Variants in DNAJB12 observed in about 807,000 individuals in gnomAD.
DNAJB12 encodes the protein dnaJ homolog subfamily B member 12.
Under a neutral mutation model 40.6 loss-of-function variants are expected in DNAJB12, and 14 were observed. The ratio of observed to expected loss-of-function variants is 0.34; its 90% confidence interval spans 0.23 to 0.54. The LOEUF is 0.54. Among genes scored for constraint, DNAJB12 ranks in the 20% least tolerant of loss-of-function variants. The probability of loss-of-function intolerance (pLI) is 0.92; values close to 1 mark genes in which losing one functional copy is unlikely to be tolerated. For synonymous variants in DNAJB12, 181 were observed against 199.5 expected, an observed-to-expected ratio of 0.91 and a Z score of 0.78; for missense variants, 444 against 501.7, an observed-to-expected ratio of 0.89 and a Z score of 1.10.
chr10:72,346,238 A>G (rs1044837588), intron 1 of DNAJB12, among the ~76,000 whole-genome samples: 4 of 152,134 alleles, frequency 2.6e-5, no homozygotes, highest in African/African-American at 9.7e-5. Context: ...ATCTCAGCTC[A>G]CTACAACCTC....
At chr10:72,342,504 C>T (rs925189930) in intron 3 of DNAJB12, among the ~76,000 whole-genome samples, 14 of 152,302 alleles carry the variant, frequency 9.2e-5, no homozygotes, top group African/African-American at 3.1e-4. Flanking sequence ...TGCTTCCCCC[C>T]ACTCCCACTC....
At position 72,335,111 on chromosome 10, in the gene DNAJB12, C is replaced by G. The variant is rs904470314; in HGVS notation, c.*31-494G>C. 1.1e-5 allele frequency: 11 copies of G among 990,122 alleles called. No individual in the cohort carries two copies. The highest frequency in any genetic ancestry group is 1.7e-5 in the African/African-American group (1 of 57,376). 61.3% of individuals were successfully genotyped at this position (990,122 alleles called of 1,614,324 possible). ...CCGCAGGCGAGATGCCTGGGCAAGG[C>G]CGGATGCCTGTGGCTTCCAGGCTGC... On this transcript the variant is annotated intron_variant, in intron 8 of 8. Transcript: ENST00000444643. This position sits in a 1 kb window ranked among gnomAD's most constrained non-coding sequence, Gnocchi z 4.4.
intron 5 of DNAJB12, 79 bp from the exon 6 acceptor site, chr10:72,338,390 G>A: frequency 1.7e-6 from 2 of 1,169,768 alleles, no homozygotes; most frequent in Non-Finnish European, 2.5e-6. Flanking sequence ...AGCTCCCCTA[G>A]AATAGTGGAG....
At chr10:72,350,478 C>T (rs989147413) in intron 1 of DNAJB12, among the ~76,000 whole-genome samples, 3 of 147,746 alleles carry the variant, frequency 2.0e-5, no homozygotes, top group Non-Finnish European at 4.5e-5. Context: ...GAAGGGTCAT[C>T]TTGGACAAGG....
chr10:72,336,812 C>G, intron 6 of DNAJB12, 116 bp from the exon 7 acceptor site: 1 of 845,592 alleles, frequency 1.2e-6, no homozygotes, highest in Non-Finnish European at 1.8e-6. Context: ...TTGGTTCCCT[C>G]TCAAACCAGA....
rs1861412408 is a variant in DNAJB12, at chr10:72,334,528, TTTTG to T, written c.*116_*119del. The T allele has an allele frequency of 6.5e-7, 1 of 1,527,084 alleles. No homozygotes were observed. 94.6% of individuals were successfully genotyped at this position (1,527,084 alleles called of 1,614,324 possible). A position where few individuals can be genotyped will look rare whatever the true frequency, so the allele number is the denominator to read the frequency against. ...CGTTCGGCCTCCAATTCCATTTTAA[TTTTG>T]TTTCTTTGTTTGTCTTTCCTCAAAT... is the stretch of plus-strand genomic sequence containing the variant. On this transcript the variant is annotated 3_prime_UTR_variant, in exon 9 of 9. Coordinates refer to ENST00000444643, the MANE Select transcript of DNAJB12 (RefSeq NM_017626.7).
chr10:72,347,786 G>A (rs189339508), intron 1 of DNAJB12, among the ~76,000 whole-genome samples: 3 of 151,930 alleles, frequency 2.0e-5, no homozygotes, highest in African/African-American at 4.8e-5. Flanking sequence ...GGTGGTGGGC[G>A]CTTGTAATCC....
At chr10:72,351,608 C>T (rs1282195125) in intron 1 of DNAJB12, among the ~76,000 whole-genome samples, 4 of 152,278 alleles carry the variant, frequency 2.6e-5, no homozygotes, top group Admixed American at 1.3e-4. Context: ...CCGCTGCCCT[C>T]TCCGGGGACT....
At position 72,346,155 on chromosome 10, in the gene DNAJB12, TA is replaced by T. The variant is rs547788225; in HGVS notation, c.134-1029del. 2.6e-4 allele frequency among the ~76,000 whole-genome samples: 40 copies of T among 152,226 alleles called. No individual in the cohort carries two copies. In the South Asian group the frequency reaches 2.9e-3, roughly 11 times the overall value. On this transcript the variant is annotated intron_variant, in intron 1 of 8. Coordinates refer to ENST00000444643, the MANE Select transcript of DNAJB12 (RefSeq NM_017626.7). ...AACCCTATAGTACTTTATTTAGAGTTATTTTTTTTTATTTGTTTGTTTATTT... is the reference window on the plus strand; with the variant it reads ...AACCCTATAGTACTTTATTTAGAGTTTTTTTTTTTATTTGTTTGTTTATTT...
At chr10:72,348,998 G>A (rs1861868984) in intron 1 of DNAJB12, among the ~76,000 whole-genome samples, 1 of 152,168 alleles carries the variant, frequency 6.6e-6, no homozygotes, top group Non-Finnish European at 1.5e-5. Context: ...CCAGCTCCAG[G>A]GTCCATGCTC....
chr10:72,352,388 G>T (rs1861956005), intron 1 of DNAJB12, among the ~76,000 whole-genome samples: 1 of 152,056 alleles, frequency 6.6e-6, no homozygotes, highest in South Asian at 2.1e-4. Context: ...CTTCTTCCAG[G>T]ATGCCTTTCC....
At position 72,343,963 on chromosome 10, in the gene DNAJB12, C is replaced by A. The variant is rs191741345; in HGVS notation, c.312-452G>T. 8.8e-4 allele frequency among the ~76,000 whole-genome samples: 133 copies of A among 151,890 alleles called. 1 individual carries two copies. In the Middle Eastern group the frequency reaches 0.01, roughly 12 times the overall value. ...ATAGAGACAGGGTCTTCTAATTGCC[C>A]AGGCTGGTCTCAAACTCCTGGGCTC... On this transcript the variant is annotated intron_variant, in intron 2 of 8. Coordinates refer to ENST00000444643, the MANE Select transcript of DNAJB12 (RefSeq NM_017626.7).
In DNAJB12 at chr10:72,341,285, C is replaced by T. The variant is rs536978112; in HGVS notation, c.458-115G>A. 2.1e-4 allele frequency: 221 copies of T among 1,034,440 alleles called. 1 individual carries two copies. In the African/African-American group the frequency reaches 3.2e-3, roughly 15 times the overall value. 64.1% of individuals were successfully genotyped at this position (1,034,440 alleles called of 1,614,324 possible). On this transcript the variant is annotated intron_variant, in intron 3 of 8. Coordinates refer to ENST00000444643, the MANE Select transcript of DNAJB12 (RefSeq NM_017626.7). Reference sequence around the variant, plus strand: ...CTCAAGCAGTGCTTTAGGAAGCAGACGTCCTTGGGGTGGGCAGGAAGCTTG... The same window carrying T: ...CTCAAGCAGTGCTTTAGGAAGCAGATGTCCTTGGGGTGGGCAGGAAGCTTG...
At chr10:72,350,500 A>T (rs1467967888) in intron 1 of DNAJB12, among the ~76,000 whole-genome samples, 1 of 151,652 alleles carries the variant, frequency 6.6e-6, no homozygotes, top group Non-Finnish European at 1.5e-5. Context: ...AACTTAGCTC[A>T]TCTGTGCAAA....
chr10:72,336,821 G>A, intron 6 of DNAJB12, 125 bp from the exon 7 acceptor site: 1 of 761,432 alleles, frequency 1.3e-6, no homozygotes, highest in Non-Finnish European at 2.1e-6. Context: ...TCTCAAACCA[G>A]AGCAGGGACC....
chr10:72,344,628 A>G (rs1861731175), intron 2 of DNAJB12, among the ~76,000 whole-genome samples: 1 of 152,186 alleles, frequency 6.6e-6, no homozygotes, highest in East Asian at 1.9e-4. Context: ...CTCCATCTCT[A>G]TTGACAAACA....
chr10:72,334,546 C>G lies in DNAJB12; in HGVS notation c.*102G>C. ...ATTTTAATTTTGTTTCTTTGTTTGT[C>G]TTTCCTCAAATATACAGTCCATCAC... On this transcript the variant is annotated 3_prime_UTR_variant, in exon 9 of 9. Transcript: ENST00000444643. 6.5e-7 allele frequency: 1 copy of G among 1,534,792 alleles called. No individual in the cohort carries two copies.
intron 1 of DNAJB12, among the ~76,000 whole-genome samples, chr10:72,350,904 C>T (rs1323597491): frequency 6.6e-6 from 1 of 152,140 alleles, no homozygotes; most frequent in East Asian, 1.9e-4. Context: ...CCCCGGACCT[C>T]GCCAGCACCA....
chr10:72,337,128 AG>A (rs1353738667), intron 6 of DNAJB12, among the ~76,000 whole-genome samples: 1 of 152,208 alleles, frequency 6.6e-6, no homozygotes, highest in Non-Finnish European at 1.5e-5. Flanking sequence ...GAAGGGCTCC[AG>A]GGAGCCTTAT....
Sources: allele counts gnomAD v4.1 joint callset (sites outside exome capture counted in the v4.1 genomes callset), GRCh38; gene constraint gnomAD v4.1.1; non-coding constraint Gnocchi (gnomAD v3.1); transcripts MANE v1.5; gene names NCBI Gene and HGNC (gene_info 2026-07-23, HGNC 2026-07-21).